The following TMOD3 variants were observed in gnomAD, a reference collection of about 807,000 sequenced individuals.
TMOD3 encodes the protein tropomodulin-3.
In TMOD3, 20 loss-of-function variants were observed where a neutral mutation model predicts 39.2. That is an observed-to-expected ratio of 0.51 (90% CI 0.36 to 0.74). TMOD3 has a LOEUF of 0.74. Among genes scored for constraint, TMOD3 ranks in the 30% least tolerant of loss-of-function variants. The pLI is 0.00. For missense variants in TMOD3, 381 were observed against 412.8 expected (o/e 0.92, Z 0.67); for synonymous variants, 143 against 145.8 (o/e 0.98, Z 0.14).
In TMOD3 at chr15:51,862,795, T is replaced by C; in HGVS notation, c.-74-16T>C. On this transcript the variant is annotated splice_polypyrimidine_tract_variant and intron_variant, in intron 1 of 9. Transcript: ENST00000308580. ...TGACTTACTATTTAAAATGTATTTG[T>C]TTCTTCTCTCCATAGCTTTAAGAAA... is the stretch of plus-strand genomic sequence containing the variant. The C allele has an allele frequency of 7.6e-7, 1 of 1,316,930 alleles. No homozygotes were observed. Among genetic ancestry groups the C allele is most frequent in the Non-Finnish European group, 1.0e-6 (1 of 974,272 alleles). The allele number at this position is 1,316,930 out of a possible 1,614,324, so 81.6% of individuals were successfully genotyped here.
rs192159765 is a variant in TMOD3, at chr15:51,883,919, C to T, written c.284-3670C>T. Among the ~76,000 whole-genome samples the T allele has an allele frequency of 4.4e-3, 663 of 152,282 alleles. 6 individuals are homozygous for T. The highest frequency in any genetic ancestry group is 0.015 in the African/African-American group (638 of 41,546). On this transcript the variant is annotated intron_variant, in intron 3 of 9. Coordinates refer to ENST00000308580, the MANE Select transcript of TMOD3 (RefSeq NM_014547.5). ...ATGTATACCACTTTAATTGTAATCT[C>T]AACCACTATGAAAAGTATGGAATTA...
intron 1 of TMOD3, among the ~76,000 whole-genome samples, chr15:51,862,294 A>T (rs578254922): frequency 1.1e-4 from 16 of 152,310 alleles, no homozygotes; most frequent in African/African-American, 3.9e-4. Flanking sequence ...ACACCTCAGA[A>T]AAATATTTTC....
intron 3 of TMOD3, among the ~76,000 whole-genome samples, chr15:51,877,119 ATATAAT>A (rs2056508547): frequency 6.6e-6 from 1 of 152,152 alleles, no homozygotes; most frequent in Admixed American, 6.5e-5. Flanking sequence ...AACATATGTA[ATATAAT>A]TATAGTAATT....
Position 51,910,378 on chromosome 15 carries a change from C to A in TMOD3, c.*1568C>A, listed in dbSNP as rs1228290629. ...ATCACTTAAGGTCAGGAGTTCAAGACCAGCCTGGCCAACATGGTGAAACCC... is the reference window on the plus strand; with the variant it reads ...ATCACTTAAGGTCAGGAGTTCAAGAACAGCCTGGCCAACATGGTGAAACCC... On this transcript the variant is annotated 3_prime_UTR_variant, in exon 10 of 10. Transcript: ENST00000308580. The A allele has an allele frequency of 5.3e-5, 8 of 152,238 alleles. No individual in the cohort carries two copies. The highest frequency in any genetic ancestry group is 1.7e-4 in the African/African-American group (7 of 41,450). The allele number at this position is 152,238 out of a possible 1,614,324, so 9.4% of individuals were successfully genotyped here.
chr15:51,902,135 A>G (rs1232327855), intron 9 of TMOD3, 99 bp downstream of exon 9: 10 of 1,434,336 alleles, frequency 7.0e-6, no homozygotes, highest in Admixed American at 4.6e-5. Flanking sequence ...CAGAGAAGTT[A>G]TTTGGCCTTT....
Position 51,902,038 on chromosome 15 carries a change from T to C in TMOD3, c.1024+2T>C, listed in dbSNP as rs1476403790. The C allele has an allele frequency of 3.7e-6, 6 of 1,613,816 alleles. No homozygotes were observed. Among genetic ancestry groups the C allele is most frequent in the Non-Finnish European group, 1.7e-6 (2 of 1,179,948 alleles). Reference sequence around the variant, plus strand: ...CTATAACAAAAAACAATGACTTAGGTAAGACATAGTATCGATCAAGTTTCT... The same window carrying C: ...CTATAACAAAAAACAATGACTTAGGCAAGACATAGTATCGATCAAGTTTCT... On this transcript the variant is annotated splice_donor_variant, in intron 9 of 9. Transcript: ENST00000308580. LOFTEE classifies it high-confidence loss of function.
intron 3 of TMOD3, among the ~76,000 whole-genome samples, chr15:51,879,275 C>T (rs1033826770): frequency 3.9e-5 from 6 of 152,004 alleles, no homozygotes; most frequent in African/African-American, 1.4e-4. Context: ...ACGCTCTTAG[C>T]AACCAAGGTT....
At chr15:51,874,432 C>T (rs1252125019) in intron 3 of TMOD3, among the ~76,000 whole-genome samples, 1 of 152,112 alleles carries the variant, frequency 6.6e-6, no homozygotes, top group East Asian at 1.9e-4. Context: ...TACTTTTTAC[C>T]TCTTCCTCCT....
intron 5 of TMOD3, 22 bp from the exon 6 acceptor site, chr15:51,893,793 C>T: frequency 2.0e-6 from 3 of 1,486,608 alleles, no homozygotes; most frequent in Non-Finnish European, 2.7e-6. Flanking sequence ...TCAAATCCTG[C>T]TCTTTTCATT....
At chr15:51,857,876 A>G (rs2141680328) in intron 1 of TMOD3, among the ~76,000 whole-genome samples, 1 of 152,138 alleles carries the variant, frequency 6.6e-6, no homozygotes, top group South Asian at 2.1e-4. Flanking sequence ...ATAAAGGGAA[A>G]ATTTTTTTAA....
intron 3 of TMOD3, among the ~76,000 whole-genome samples, chr15:51,872,561 G>A (rs2056480466): frequency 6.6e-6 from 1 of 150,946 alleles, no homozygotes; most frequent in South Asian, 2.1e-4. Flanking sequence ...CGGGCATCTG[G>A]CATGCCTATG....
intron 9 of TMOD3, 77 bp downstream of exon 9, chr15:51,902,113 A>T (rs2056653972): frequency 6.5e-7 from 1 of 1,532,160 alleles, no homozygotes; most frequent in African/African-American, 1.4e-5. Flanking sequence ...CCCTCTTAAG[A>T]ATAAATTCTA....
At chr15:51,896,156 G>A (rs1566866649) in intron 6 of TMOD3, among the ~76,000 whole-genome samples, 1 of 150,988 alleles carries the variant, frequency 6.6e-6, no homozygotes, top group Admixed American at 6.6e-5. Context: ...AGAATAATGA[G>A]AATTTTTTTT....
Position 51,901,994 on chromosome 15 carries a change from C to A in TMOD3, c.982C>A (p.Arg328=), listed in dbSNP as rs1373987222. 1.2e-6 allele frequency: 2 copies of A among 1,614,024 alleles called. No individual in the cohort carries two copies. Among genetic ancestry groups the A allele is most frequent in the African/African-American group, 1.3e-5 (1 of 74,998 alleles). Residue 328 remains arginine, a synonymous_variant, in exon 9 of 10, where the codon CGA becomes AGA. Coordinates refer to ENST00000308580, the MANE Select transcript of TMOD3 (RefSeq NM_014547.5). The part of the protein sequence containing the change: ...FGYQFTQQGP[R]TRAANAITKN... ...ATATCAGTTTACACAGCAGGGACCA[C>A]GAACCAGAGCAGCTAATGCTATAAC...
intron 7 of TMOD3, 128 bp downstream of exon 7, chr15:51,896,654 A>G: frequency 1.8e-6 from 1 of 567,306 alleles, no homozygotes; most frequent in Non-Finnish European, 3.0e-6. Flanking sequence ...GCAGTATATT[A>G]CTTACCAGCT....
intron 3 of TMOD3, among the ~76,000 whole-genome samples, chr15:51,872,533 C>T (rs568465674): frequency 6.0e-5 from 9 of 151,184 alleles, no homozygotes; most frequent in Admixed American, 1.3e-4. Context: ...AACTTTATAT[C>T]GATGGAAACA....
intron 7 of TMOD3, among the ~76,000 whole-genome samples, chr15:51,897,302 C>T (rs919327110): frequency 6.6e-6 from 1 of 151,906 alleles, no homozygotes; most frequent in Non-Finnish European, 1.5e-5. Context: ...TATCTCTCTC[C>T]TGAACTCCGT....
chr15:51,896,456 C>T lies in TMOD3; in HGVS notation c.665C>T (p.Ala222Val). The T allele has an allele frequency of 6.2e-7, 1 of 1,613,292 alleles. No individual in the cohort carries two copies. The highest frequency in any genetic ancestry group is 8.5e-7 in the Non-Finnish European group (1 of 1,179,442). Residue 222 changes from alanine to valine, a missense_variant, in exon 7 of 10, where the codon GCT becomes GTT. Coordinates refer to ENST00000308580, the MANE Select transcript of TMOD3 (RefSeq NM_014547.5). Reference sequence around the variant, plus strand: ...CCAACCCTAAAAGATTTTGCAAAGGCTTTGGAAACCAACACACATGTGAAA... The same window carrying T: ...CCAACCCTAAAAGATTTTGCAAAGGTTTTGGAAACCAACACACATGTGAAA... ...PIPTLKDFAK[A>V]LETNTHVKCF...
At chr15:51,871,323 C>T (rs922189940) in intron 3 of TMOD3, among the ~76,000 whole-genome samples, 15 of 152,172 alleles carry the variant, frequency 9.9e-5, no homozygotes, top group Admixed American at 7.2e-4. Context: ...TGCAGCCATA[C>T]GTATGTCAGT....
Sources: gnomAD v4.1 joint callset for allele counts (sites outside exome capture counted in the v4.1 genomes callset) on GRCh38, gnomAD v4.1.1 for gene constraint, MANE v1.5 for transcripts, NCBI Gene and HGNC (gene_info 2026-07-23, HGNC 2026-07-21) for gene names.